GALNT13: variants seen among roughly 807,000 people sequenced by gnomAD.
GALNT13 encodes the protein UDP-GalNAc:polypeptide N-acetylgalactosaminyltransferase 13.
In GALNT13, 28 loss-of-function variants were observed where a neutral mutation model predicts 64.2. The ratio of observed to expected loss-of-function variants is 0.44; its 90% CI spans 0.32 to 0.60. The LOEUF (loss-of-function observed/expected upper bound fraction) is 0.60. GALNT13 is among the 20% of genes least tolerant of loss of function. The pLI, the probability that GALNT13 is intolerant of heterozygous loss-of-function variation, is 0.05. For synonymous variants in GALNT13, 214 were observed against 224.6 expected (o/e 0.95, Z 0.42); for missense variants, 577 against 669.8 (o/e 0.86, Z 1.53).
the GALNT13 span, among the ~76,000 whole-genome samples, chr2:153,650,434 T>C: frequency 6.6e-6 from 1 of 152,198 alleles, no homozygotes; most frequent in African/African-American, 2.4e-5. Flanking sequence ...CCAGTCTGTG[T>C]CTTTTAATTG....
At chr2:153,107,037 C>T in the GALNT13 span, among the ~76,000 whole-genome samples, 1 of 152,108 alleles carries the variant, frequency 6.6e-6, no homozygotes, top group Non-Finnish European at 1.5e-5. Flanking sequence ...CCCCTGCTCC[C>T]TATAAGTAGG....
chr2:153,587,820 G>A, the GALNT13 span, among the ~76,000 whole-genome samples: 1 of 152,176 alleles, frequency 6.6e-6, no homozygotes, highest in Non-Finnish European at 1.5e-5. Context: ...AAAGTCCACA[G>A]TCCAAAGTCT....
At chr2:154,326,931 G>A (rs979618245) in intron 9 of GALNT13, among the ~76,000 whole-genome samples, 1 of 152,104 alleles carries the variant, frequency 6.6e-6, no homozygotes, top group African/African-American at 2.4e-5. Flanking sequence ...TCCATCAGGA[G>A]TTCCTATGGA....
chr2:154,201,321 C>T (rs1687155991), intron 4 of GALNT13, among the ~76,000 whole-genome samples: 1 of 152,066 alleles, frequency 6.6e-6, no homozygotes, highest in South Asian at 2.1e-4. Flanking sequence ...CCTGGCATGT[C>T]ATAGAAGCTT....
intron 3 of GALNT13, among the ~76,000 whole-genome samples, chr2:154,058,150 T>G (rs1048876683): frequency 2.0e-5 from 3 of 152,136 alleles, no homozygotes; most frequent in African/African-American, 7.2e-5. Flanking sequence ...AGTGGTGTGC[T>G]TATAAGAAGA....
the GALNT13 span, among the ~76,000 whole-genome samples, chr2:153,846,586 A>G: frequency 3.9e-5 from 6 of 152,282 alleles, no homozygotes; most frequent in African/African-American, 1.4e-4. Flanking sequence ...ATATAATTTA[A>G]AGATCACATT....
intron 8 of GALNT13, among the ~76,000 whole-genome samples, chr2:154,293,902 A>G (rs1692776658): frequency 2.0e-5 from 3 of 152,188 alleles, no homozygotes; most frequent in Admixed American, 2.0e-4. Flanking sequence ...TCAATATTTC[A>G]TAAGTTAAAT....
At chr2:153,879,383 C>CATGT (rs1686622885) in intron 1 of GALNT13, among the ~76,000 whole-genome samples, 1 of 140,152 alleles carries the variant, frequency 7.1e-6, no homozygotes, top group African/African-American at 2.7e-5. Context: ...TGTGTGTGTG[C>CATGT]ATGTGTGTGT....
chr2:153,799,092 G>T, the GALNT13 span, among the ~76,000 whole-genome samples: 2 of 152,084 alleles, frequency 1.3e-5, no homozygotes, highest in Non-Finnish European at 2.9e-5. Flanking sequence ...GACTTAACAG[G>T]TGTCCATATG....
At chr2:153,689,238 A>T in the GALNT13 span, among the ~76,000 whole-genome samples, 3 of 151,982 alleles carry the variant, frequency 2.0e-5, no homozygotes, top group Non-Finnish European at 2.9e-5. Flanking sequence ...TCCCATTTTC[A>T]TTCAGATGTG....
the GALNT13 span, among the ~76,000 whole-genome samples, chr2:153,398,261 T>G: frequency 6.6e-6 from 1 of 152,238 alleles, no homozygotes; most frequent in East Asian, 1.9e-4. Context: ...CTCATCATTT[T>G]TTGTGGCTGC....
At chr2:153,139,432 G>A in the GALNT13 span, among the ~76,000 whole-genome samples, 23 of 152,120 alleles carry the variant, frequency 1.5e-4, no homozygotes, top group East Asian at 7.8e-4. Flanking sequence ...AGTAGAGCAT[G>A]ATAAGATTTA....
intron 4 of GALNT13, 44 bp from the exon 5 acceptor site, chr2:154,241,985 TA>T (rs779508278): frequency 2.4e-6 from 3 of 1,272,672 alleles, no homozygotes; most frequent in African/African-American, 1.5e-5. Flanking sequence ...ATAATCAGGA[TA>T]AAAAATGCAT....
the GALNT13 span, among the ~76,000 whole-genome samples, chr2:153,461,418 C>A: frequency 2.0e-5 from 3 of 152,014 alleles, no homozygotes; most frequent in African/African-American, 7.2e-5. Context: ...ATACTTAGAA[C>A]CCCTTCCTTC....
At chr2:153,326,522 G>A in the GALNT13 span, among the ~76,000 whole-genome samples, 1 of 152,084 alleles carries the variant, frequency 6.6e-6, no homozygotes, top group Non-Finnish European at 1.5e-5. Flanking sequence ...ATTTGATCCT[G>A]TCATTATGAT....
chr2:153,380,613 C>T, the GALNT13 span, among the ~76,000 whole-genome samples: 1 of 151,892 alleles, frequency 6.6e-6, no homozygotes, highest in Non-Finnish European at 1.5e-5. Flanking sequence ...CTAGGGATAG[C>T]AAGGAACAAC....
At chr2:154,078,485 G>A (rs922865928) in intron 3 of GALNT13, among the ~76,000 whole-genome samples, 29 of 151,656 alleles carry the variant, frequency 1.9e-4, no homozygotes, top group Middle Eastern at 3.4e-3. Context: ...TCCAATTAGA[G>A]TGAATTTAGG....
the GALNT13 span, among the ~76,000 whole-genome samples, chr2:153,639,675 T>C: frequency 1.3e-5 from 2 of 152,182 alleles, no homozygotes; most frequent in African/African-American, 4.8e-5. Context: ...AAACTCACGA[T>C]GGAGGAGAAT....
the GALNT13 span, among the ~76,000 whole-genome samples, chr2:153,523,038 T>C: frequency 1.4e-5 from 2 of 138,180 alleles, no homozygotes; most frequent in Non-Finnish European, 3.0e-5. Flanking sequence ...AGGTCTGTGT[T>C]TACTATTTTT....
Sources: gnomAD v4.1 joint callset for allele counts (sites outside exome capture counted in the v4.1 genomes callset) on GRCh38, gnomAD v4.1.1 for gene constraint, MANE v1.5 for transcripts, NCBI Gene and HGNC (gene_info 2026-07-23, HGNC 2026-07-21) for gene names.